Variants in KCNT1 observed in about 807,000 individuals in gnomAD.
KCNT1 encodes potassium channel subfamily T member 1.
In KCNT1, 78 loss-of-function variants were observed where a neutral mutation model predicts 147.8. The observed-to-expected ratio is 0.53, with a 90% CI of 0.44 to 0.64. KCNT1 has a LOEUF of 0.64. Ranked by LOEUF, KCNT1 falls within the 30% of genes least tolerant of loss-of-function variation. The pLI is 0.00. For missense variants in KCNT1, 1,419 were observed against 1,750.3 expected, an observed-to-expected ratio of 0.81 and a Z score of 3.38; for synonymous variants, 867 against 748.8, an observed-to-expected ratio of 1.16 and a Z score of -2.58.
At chr9:135,775,607 G>A (rs188244210) in intron 20 of KCNT1, among the ~76,000 whole-genome samples, 192 bp downstream of exon 20, 88 of 152,358 alleles carry the variant, frequency 5.8e-4, no homozygotes, top group African/African-American at 1.9e-3. Flanking sequence ...TTCCTGTCCC[G>A]TTTGGGCTCT....
intron 12 of KCNT1, 128 bp from the exon 13 acceptor site, chr9:135,765,496 A>T: frequency 9.1e-7 from 1 of 1,099,270 alleles, no homozygotes; most frequent in Non-Finnish European, 1.3e-6. Flanking sequence ...TTTCCCTCCC[A>T]CCAGATGCAA....
At chr9:135,740,749 C>G (rs1173777103) in intron 2 of KCNT1, among the ~76,000 whole-genome samples, 1 of 152,222 alleles carries the variant, frequency 6.6e-6, no homozygotes, top group African/African-American at 2.4e-5. Context: ...GGATGAGGCC[C>G]TCACCACTTG....
chr9:135,750,594 C>T (rs1046726452), intron 3 of KCNT1: 2 of 464,326 alleles, frequency 4.3e-6, no homozygotes, highest in Admixed American at 3.5e-5. Flanking sequence ...ATGCTCCCCC[C>T]GGGATTGCAG....
chr9:135,783,998 C>T lies in KCNT1; in HGVS notation c.2842-26C>T, dbSNP rs762767687. 6.9e-6 allele frequency: 11 copies of T among 1,586,278 alleles called. No individual in the cohort carries two copies. The Admixed American group carries it at 1.2e-4, about 17-fold the overall frequency. On this transcript the variant is annotated intron_variant, in intron 24 of 30. Transcript: ENST00000371757. ...CACTGGAGGGACCTCGGCACCAGCC[C>T]ATCTGAGGCCCCTCCTTTCCCACAG...
intron 17 of KCNT1, 63 bp downstream of exon 17, chr9:135,770,510 A>G: frequency 6.5e-7 from 1 of 1,535,994 alleles, no homozygotes; most frequent in African/African-American, 1.4e-5. Context: ...TGCCCTCCCC[A>G]CCCTCCCGGT....
chr9:135,718,275 G>A (rs887847396), intron 2 of KCNT1, among the ~76,000 whole-genome samples: 14 of 152,380 alleles, frequency 9.2e-5, no homozygotes, highest in South Asian at 4.1e-4. Context: ...CACAGGAGCC[G>A]TGTGAGGTGG....
intron 19 of KCNT1, among the ~76,000 whole-genome samples, chr9:135,774,418 GTC>G (rs1473325658): frequency 1.8e-5 from 2 of 110,160 alleles, no homozygotes; most frequent in South Asian, 2.7e-4. Context: ...TGTGGTGTGT[GTC>G]TGTGTGTTGT....
At chr9:135,787,719 CCT>C (rs1183792394) in intron 29 of KCNT1, among the ~76,000 whole-genome samples, 1 of 152,212 alleles carries the variant, frequency 6.6e-6, no homozygotes, top group African/African-American at 2.4e-5. Context: ...AAGGTGTCCC[CCT>C]GTCCCCGCCT....
chr9:135,784,014 T>C lies in KCNT1; in HGVS notation c.2842-10T>C. On this transcript the variant is annotated splice_polypyrimidine_tract_variant and intron_variant, in intron 24 of 30. Transcript: ENST00000371757. ...GCACCAGCCCATCTGAGGCCCCTCC[T>C]TTCCCACAGAGGGAGCGAGAGAATG... is the stretch of plus-strand genomic sequence containing the variant. The C allele has an allele frequency of 6.2e-7, 1 of 1,605,608 alleles. No homozygotes were observed. Among genetic ancestry groups the C allele is most frequent in the Non-Finnish European group, 8.5e-7 (1 of 1,179,172 alleles).
intron 15 of KCNT1, among the ~76,000 whole-genome samples, chr9:135,769,481 C>T (rs1349951991): frequency 6.6e-6 from 1 of 152,144 alleles, no homozygotes; most frequent in Admixed American, 6.5e-5. Flanking sequence ...CCTAGGGGGT[C>T]CAAACTCTTC....
Position 135,708,216 on chromosome 9 carries a change from A to C in KCNT1, c.110+5848A>C, listed in dbSNP as rs511518. Among the ~76,000 whole-genome samples the C allele has an allele frequency of 1.6e-3, 237 of 152,326 alleles. 1 individual carries two copies. Among genetic ancestry groups the C allele is most frequent in the African/African-American group, 5.4e-3 (226 of 41,578 alleles). On this transcript the variant is annotated intron_variant, in intron 1 of 30. Coordinates refer to ENST00000371757, the MANE Select transcript of KCNT1 (RefSeq NM_020822.3). ...CATACAGGCACATGCACACAGATCCATGTGCATGCACACATATGTCCACAT... is the reference window on the plus strand; with the variant it reads ...CATACAGGCACATGCACACAGATCCCTGTGCATGCACACATATGTCCACAT...
chr9:135,785,580 G>C (rs1228011767), intron 28 of KCNT1: 2 of 625,056 alleles, frequency 3.2e-6, no homozygotes, highest in Admixed American at 2.4e-5. Flanking sequence ...TTGGACACCA[G>C]GTGCACCCCC....
At chr9:135,706,833 C>A (rs562390650) in intron 1 of KCNT1, among the ~76,000 whole-genome samples, 1 of 152,142 alleles carries the variant, frequency 6.6e-6, no homozygotes, top group Non-Finnish European at 1.5e-5. Context: ...GTATTGGGAG[C>A]GCCAGTGAGT....
chr9:135,783,448 C>T (rs369166041), intron 24 of KCNT1, among the ~76,000 whole-genome samples: 27 of 152,356 alleles, frequency 1.8e-4, no homozygotes, highest in East Asian at 9.7e-4. Context: ...CCTGAGACAC[C>T]TCAAACTCCC....
At chr9:135,770,509 C>G in intron 17 of KCNT1, 62 bp downstream of exon 17, 1 of 1,541,854 alleles carries the variant, frequency 6.5e-7, no homozygotes, top group South Asian at 1.3e-5. Flanking sequence ...GTGCCCTCCC[C>G]ACCCTCCCGG....
In KCNT1 at chr9:135,730,252, G is replaced by GGA. The variant is rs1836377057; in HGVS notation, c.254+15532_254+15533insGA. Reference sequence around the variant, plus strand: ...GGACTCCCCCTTCGGAGCATCAGGTGTGGACCCATGGAGTTCCGTGGACCT... The same window carrying GGA: ...GGACTCCCCCTTCGGAGCATCAGGTGGATGGACCCATGGAGTTCCGTGGACCT... On this transcript the variant is annotated intron_variant, in intron 2 of 30. Transcript: ENST00000371757. The surrounding 1 kb of genome is among the most constrained non-coding windows in gnomAD (Gnocchi z 4.7). Among the ~76,000 whole-genome samples the GGA allele has an allele frequency of 6.6e-6, 1 of 152,178 alleles. No individual in the cohort carries two copies. The highest frequency in any genetic ancestry group is 2.1e-4 in the South Asian group (1 of 4,822).
At position 135,759,592 on chromosome 9, in the gene KCNT1, G is replaced by C. The variant is rs1449960487; in HGVS notation, c.855-87G>C. 2.1e-6 allele frequency: 3 copies of C among 1,420,284 alleles called. No individual in the cohort carries two copies. In the African/African-American group the frequency reaches 4.3e-5, roughly 20 times the overall value. 88.0% of individuals were successfully genotyped at this position (1,420,284 alleles called of 1,614,324 possible). On this transcript the variant is annotated intron_variant, in intron 10 of 30. Transcript: ENST00000371757. ...CACAGCTCAGTCTCCTGGGCAGTGA[G>C]GGTCCCGTGGGCAGGCAGGATCTCT...
At chr9:135,748,564 G>A (rs2131403229) in intron 2 of KCNT1, among the ~76,000 whole-genome samples, 1 of 152,350 alleles carries the variant, frequency 6.6e-6, no homozygotes. Context: ...TCCTGCCCTG[G>A]TGGACAGTGA....
intron 2 of KCNT1, among the ~76,000 whole-genome samples, chr9:135,741,940 G>A (rs1024624337): frequency 2.5e-4 from 36 of 142,780 alleles, no homozygotes; most frequent in Admixed American, 9.6e-4. Context: ...CCCAGCCCCC[G>A]ACCAGGCCGG....
Sources: gnomAD v4.1 joint callset for allele counts (sites outside exome capture counted in the v4.1 genomes callset) on GRCh38, gnomAD v4.1.1 for gene constraint, Gnocchi (gnomAD v3.1) non-coding constraint, MANE v1.5 for transcripts, NCBI Gene and HGNC (gene_info 2026-07-23, HGNC 2026-07-21) for gene names.